GLIS1: variants seen among roughly 807,000 people sequenced by gnomAD.
GLIS1 encodes the protein zinc finger protein GLIS1.
Under a neutral mutation model 63.8 loss-of-function variants are expected in GLIS1, and 24 were observed. The ratio of observed to expected loss-of-function variants is 0.38; its 90% CI spans 0.27 to 0.53. GLIS1 has a LOEUF of 0.53. Among genes scored for constraint, GLIS1 ranks in the 20% least tolerant of loss-of-function variants. The pLI is 0.85. For synonymous variants in GLIS1, 450 were observed against 482.5 expected (o/e 0.93, Z 0.88); for missense variants, 1,036 against 1,074.1 (o/e 0.96, Z 0.50).
chr1:53,506,535 T>A lies in GLIS1; in HGVS notation c.*84A>T. 1 of 1,412,652 alleles carries A rather than the reference T, an allele frequency of 7.1e-7. No individual in the cohort carries two copies. Among genetic ancestry groups the A allele is most frequent in the Non-Finnish European group, 9.9e-7 (1 of 1,014,636 alleles). 87.5% of individuals were successfully genotyped at this position (1,412,652 alleles called of 1,614,324 possible). A position where few individuals can be genotyped will look rare whatever the true frequency, so the allele number is the denominator to read the frequency against. ...TCCGGCTGTGGCCTGGCACTCCTGC[T>A]AGGTGCACGGAGGGTGGGAGCGACA... On this transcript the variant is annotated 3_prime_UTR_variant, in exon 11 of 11. Transcript: ENST00000628545.
chr1:53,577,897 G>A (rs1359027477), intron 4 of GLIS1, among the ~76,000 whole-genome samples: 2 of 152,078 alleles, frequency 1.3e-5, no homozygotes, highest in East Asian at 1.9e-4. Flanking sequence ...GCGAGGCTTC[G>A]TTAACTCACA....
Position 53,598,640 on chromosome 1 carries a change from C to G in GLIS1, c.437+1461G>C, listed in dbSNP as rs930706061. ...CTAAGGAGAGAGGCCTCAGAAGAAA[C>G]CAAACCTGCTGGCACATCAGTCCTG... On this transcript the variant is annotated intron_variant, in intron 3 of 10. Coordinates refer to ENST00000628545, the MANE Select transcript of GLIS1 (RefSeq NM_001367484.1). The surrounding 1 kb of genome is among the most constrained non-coding windows in gnomAD (Gnocchi z 4.6). Among the ~76,000 whole-genome samples, 1 of 152,134 alleles carries G rather than the reference C, an allele frequency of 6.6e-6. No individual in the cohort carries two copies. Among genetic ancestry groups the G allele is most frequent in the Admixed American group, 6.5e-5 (1 of 15,274 alleles).
At chr1:53,716,823 A>G (rs1309890197) in intron 2 of GLIS1, among the ~76,000 whole-genome samples, 2 of 152,222 alleles carry the variant, frequency 1.3e-5, no homozygotes, top group Non-Finnish European at 2.9e-5. Context: ...TATTTAAAAA[A>G]AAGTCAAAGA....
At chr1:53,572,210 C>A (rs1009379354) in intron 4 of GLIS1, among the ~76,000 whole-genome samples, 3 of 152,176 alleles carry the variant, frequency 2.0e-5, no homozygotes, top group African/African-American at 7.2e-5. Context: ...CTGGTGTCTC[C>A]ACTTCCCAGA....
intron 2 of GLIS1, among the ~76,000 whole-genome samples, chr1:53,649,370 C>T (rs561566393): frequency 1.3e-5 from 2 of 152,318 alleles, no homozygotes; most frequent in South Asian, 4.2e-4. Flanking sequence ...CCTCCTGTTG[C>T]TATTGGGTGA....
chr1:53,681,798 C>G (rs59500833), intron 2 of GLIS1, among the ~76,000 whole-genome samples: 1 of 151,676 alleles, frequency 6.6e-6, no homozygotes, highest in Non-Finnish European at 1.5e-5. Flanking sequence ...TGAGTGCATT[C>G]GAGGTTGCTG....
At chr1:53,738,996 C>T (rs1000956426) in intron 1 of GLIS1, among the ~76,000 whole-genome samples, 109 bp downstream of exon 1, 8 of 152,130 alleles carry the variant, frequency 5.3e-5, no homozygotes, top group Non-Finnish European at 1.0e-4. Flanking sequence ...CTCCGCGCTC[C>T]CTGCGCCATC....
At chr1:53,657,432 C>T (rs886197726) in intron 2 of GLIS1, among the ~76,000 whole-genome samples, 5 of 152,182 alleles carry the variant, frequency 3.3e-5, no homozygotes, top group African/African-American at 4.8e-5. Flanking sequence ...TCTGTTCCCC[C>T]GCCCCTTGGG....
rs761426568 is a variant in GLIS1, at chr1:53,509,295, CG to C, written c.2063-9del. On this transcript the variant is annotated splice_polypyrimidine_tract_variant and intron_variant, in intron 9 of 10. Coordinates refer to ENST00000628545, the MANE Select transcript of GLIS1 (RefSeq NM_001367484.1). Reference sequence around the variant, plus strand: ...GGAAACTGCCCTGGTAACCTGCAGACGGGGGTAGCAGGGGCCGCGTTCACAA... The same window carrying C: ...GGAAACTGCCCTGGTAACCTGCAGACGGGGTAGCAGGGGCCGCGTTCACAA... The C allele has an allele frequency of 6.4e-7, 1 of 1,562,586 alleles. No individual in the cohort carries two copies.
chr1:53,534,868 G>A (rs1263185933), intron 4 of GLIS1, among the ~76,000 whole-genome samples: 1 of 151,964 alleles, frequency 6.6e-6, no homozygotes, highest in Non-Finnish European at 1.5e-5. Flanking sequence ...ACTGGAACTT[G>A]TTCAGAGCCC....
At chr1:53,557,046 G>A (rs550812859) in intron 4 of GLIS1, among the ~76,000 whole-genome samples, 1 of 152,000 alleles carries the variant, frequency 6.6e-6, no homozygotes, top group African/African-American at 2.4e-5. Flanking sequence ...GTATGTGTGT[G>A]AGTGTGTTCA....
chr1:53,543,211 A>T (rs1218415765), intron 4 of GLIS1, among the ~76,000 whole-genome samples: 2 of 151,286 alleles, frequency 1.3e-5, no homozygotes, highest in Non-Finnish European at 2.9e-5. Context: ...CATAAGTGAA[A>T]CAGAGAGCAC....
At chr1:53,567,609 C>T (rs979082549) in intron 4 of GLIS1, among the ~76,000 whole-genome samples, 1 of 152,218 alleles carries the variant, frequency 6.6e-6, no homozygotes, top group Non-Finnish European at 1.5e-5. Context: ...CATTACAGGA[C>T]CAGAAGCTGA....
At chr1:53,651,663 G>GCCAAGAGTTTGAGA in intron 2 of GLIS1, among the ~76,000 whole-genome samples, 1 of 152,192 alleles carries the variant, frequency 6.6e-6, no homozygotes, top group East Asian at 1.9e-4. Flanking sequence ...ACTGTTTGAG[G>GCCAAGAGTTTGAGA]CCAAGAGTTT....
intron 1 of GLIS1, 121 bp from the exon 2 acceptor site, chr1:53,738,227 G>A (rs1646932394): frequency 2.0e-6 from 1 of 504,472 alleles, no homozygotes; most frequent in African/African-American, 2.0e-5. Context: ...ACATAGGTTA[G>A]CACCACGACA....
intron 5 of GLIS1, among the ~76,000 whole-genome samples, chr1:53,525,704 A>AC (rs1400018884): frequency 3.3e-5 from 5 of 150,144 alleles, no homozygotes; most frequent in East Asian, 2.0e-4. Flanking sequence ...TGCCTTTGAA[A>AC]CCCCTTGGTG....
At chr1:53,580,178 C>T (rs1488746567) in intron 4 of GLIS1, among the ~76,000 whole-genome samples, 1 of 152,166 alleles carries the variant, frequency 6.6e-6, no homozygotes, top group African/African-American at 2.4e-5. Context: ...GACCTCCCCA[C>T]ATTCTGTCTT....
chr1:53,638,094 T>C (rs1246771622), intron 2 of GLIS1, among the ~76,000 whole-genome samples: 1 of 152,182 alleles, frequency 6.6e-6, no homozygotes, highest in Non-Finnish European at 1.5e-5. Context: ...TCTGGTGGTC[T>C]GGAGCCACAC....
At chr1:53,573,371 C>A (rs1645002030) in intron 4 of GLIS1, among the ~76,000 whole-genome samples, 1 of 152,192 alleles carries the variant, frequency 6.6e-6, no homozygotes. Flanking sequence ...AGACCCTCCA[C>A]CCCCTCCAAT....
Sources: allele counts gnomAD v4.1 joint callset (sites outside exome capture counted in the v4.1 genomes callset), GRCh38; gene constraint gnomAD v4.1.1; non-coding constraint Gnocchi (gnomAD v3.1); transcripts MANE v1.5; gene names NCBI Gene and HGNC (gene_info 2026-07-23, HGNC 2026-07-21).